The following ABCA7 variants were observed in gnomAD, a reference collection of about 807,000 sequenced individuals.
ABCA7 encodes phospholipid-transporting ATPase ABCA7.
Under a neutral mutation model 227.6 loss-of-function variants are expected in ABCA7, and 261 were observed. That is an observed-to-expected ratio of 1.15 (90% confidence interval 1.04 to 1.27). The LOEUF (loss-of-function observed/expected upper bound fraction) is 1.27, where lower values mean the gene tolerates loss of function less well. Ranked by LOEUF, ABCA7 falls within the 50% of genes most tolerant of loss-of-function variation. ABCA7 has a pLI of 0.00. For missense variants in ABCA7, 3,331 were observed against 2,924.5 expected (o/e 1.14, Z -3.21); for synonymous variants, 1,488 against 1,279.7 (o/e 1.16, Z -3.47).
At chr19:1,046,018 T>C (rs2040610461) in intron 12 of ABCA7, among the ~76,000 whole-genome samples, 1 of 151,974 alleles carries the variant, frequency 6.6e-6, no homozygotes, top group African/African-American at 2.4e-5. Context: ...AACAAATGAA[T>C]AAATGAATAA....
At position 1,056,267 on chromosome 19, in the gene ABCA7, G is replaced by T; in HGVS notation, c.4416+24G>T. The T allele has an allele frequency of 6.3e-7, 1 of 1,590,548 alleles. No homozygotes were observed. Among genetic ancestry groups the T allele is most frequent in the Non-Finnish European group, 8.6e-7 (1 of 1,166,470 alleles). ...AGGTGGGAACTGGGGGGGCAGGTGG[G>T]CGTCCTGTCACAGCAAGGTCCAACC... On this transcript the variant is annotated intron_variant, in intron 32 of 46. Transcript: ENST00000263094. The surrounding 1 kb of genome is among the most constrained non-coding windows in gnomAD (Gnocchi z 4.3).
At chr19:1,045,670 C>A (rs535059540) in intron 12 of ABCA7, 10 of 173,750 alleles carry the variant, frequency 5.8e-5, no homozygotes, top group Admixed American at 1.1e-4. Context: ...CCCCCCGCCC[C>A]CCTCCCCCAC....
chr19:1,041,885 G>A lies in ABCA7; in HGVS notation c.215G>A (p.Gly72Asp). 1 of 1,600,248 alleles carries A rather than the reference G, an allele frequency of 6.2e-7. No homozygotes were observed. The highest frequency in any genetic ancestry group is 1.1e-5 in the South Asian group (1 of 90,182). ...GCGGGCACCGTGCCCTGGCTCCAGG[G>A]TCTCATCTGTAATGTGAACAACACC... The part of the protein sequence containing the change: ...PSAGTVPWLQ[G>D]LICNVNNTCF... The change falls in exon 4 of 47, where the codon GGT becomes GAT. Residue 72 changes from glycine to aspartate, a missense_variant. Transcript: ENST00000263094.
chr19:1,052,313 G>A (rs766822026), intron 23 of ABCA7, 27 bp downstream of exon 23: 4 of 1,532,104 alleles, frequency 2.6e-6, no homozygotes, highest in South Asian at 2.4e-5. Flanking sequence ...GAGACCCAAG[G>A]CGGGTGGGCA....
At position 1,053,991 on chromosome 19, in the gene ABCA7, CT is replaced by C. The variant is rs758021270; in HGVS notation, c.3473-14del. 10 of 1,612,920 alleles carry C rather than the reference CT, an allele frequency of 6.2e-6. No individual in the cohort carries two copies. The Admixed American group carries it at 8.3e-5, about 13-fold the overall frequency. The stretch of plus-strand genomic sequence containing the variant: ...TGACCCTCAACTTTGACCCTGACCC[CT>C]GATGGCCCTGCAGATGGCAGCTGCG... On this transcript the variant is annotated splice_polypyrimidine_tract_variant and intron_variant, in intron 25 of 46. Transcript: ENST00000263094.
chr19:1,046,462 G>A lies in ABCA7; in HGVS notation c.1622+56G>A, dbSNP rs938728490. 7.9e-6 allele frequency: 12 copies of A among 1,509,530 alleles called. No homozygotes were observed. In the East Asian group the frequency reaches 2.5e-4, roughly 32 times the overall value. The allele number at this position is 1,509,530 out of a possible 1,614,324, so 93.5% of individuals were successfully genotyped here. ...CCGCGGCGGGAAGGTCCCGGGTGTG[G>A]GGGTGGGCCCAGGCTCTGTTGGGAA... is the stretch of plus-strand genomic sequence containing the variant. On this transcript the variant is annotated intron_variant, in intron 13 of 46. Transcript: ENST00000263094.
At position 1,054,052 on chromosome 19, in the gene ABCA7, C is replaced by G. The variant is rs529298024; in HGVS notation, c.3519C>G (p.Asp1173Glu). The G allele has an allele frequency of 6.2e-7, 1 of 1,613,360 alleles. No homozygotes were observed. Among genetic ancestry groups the G allele is most frequent in the South Asian group, 1.1e-5 (1 of 91,086 alleles). ...QHLCTGIAGL[D>E]VTLRLKMPPQ... is the part of the protein sequence containing the mutation. ...TATGCACAGGCATTGCTGGCCTAGA[C>G]GTAACCCTACGGCTCAAGATGCCGC... The change falls in exon 26 of 47, where the codon GAC becomes GAG. Residue 1173 changes from aspartate (D) to glutamate (E), a missense_variant. Coordinates refer to ENST00000263094, the MANE Select transcript of ABCA7 (RefSeq NM_019112.4). This position sits in a 1 kb window ranked among gnomAD's most constrained non-coding sequence, Gnocchi z 4.8.
chr19:1,044,658 C>T lies in ABCA7; in HGVS notation c.1129C>T (p.Leu377=). 3.1e-6 allele frequency: 5 copies of T among 1,613,254 alleles called. No individual in the cohort carries two copies. Among genetic ancestry groups the T allele is most frequent in the South Asian group, 1.1e-5 (1 of 91,090 alleles). The change falls in exon 11 of 47, where the codon CTG becomes TTG. Residue 377 remains leucine (L), a synonymous_variant. Transcript: ENST00000263094. ...RDHMEALRSF[L]DPGSGGYSWQ... Reference sequence around the variant, plus strand: ...CCACATGGAGGCCCTGCGATCCTTTCTGGACCCTGGGAGCGGTGGCTACAG... The same window carrying T: ...CCACATGGAGGCCCTGCGATCCTTTTTGGACCCTGGGAGCGGTGGCTACAG...
intron 42 of ABCA7, among the ~76,000 whole-genome samples, chr19:1,063,334 C>T: frequency 7.5e-6 from 1 of 132,462 alleles, no homozygotes; most frequent in African/African-American, 2.8e-5. Flanking sequence ...ACACCATGGC[C>T]CCGCCCCATA....
In ABCA7 at chr19:1,047,520, A is replaced by AGGGCGCGCAGTG. The variant is rs756248900; in HGVS notation, c.2137_2148dup (p.Gly713_Trp716dup). The stretch of plus-strand genomic sequence containing the variant: ...CTGGCTCTGCTGGAGGAGCAGGGCG[A>AGGGCGCGCAGTG]GGGCGCGCAGTGGCACAACGTGGGC... On this transcript the variant is annotated inframe_insertion, in exon 16 of 47. Coordinates refer to ENST00000263094, the MANE Select transcript of ABCA7 (RefSeq NM_019112.4). The AGGGCGCGCAGTG allele has an allele frequency of 7.5e-6, 12 of 1,591,640 alleles. No individual in the cohort carries two copies. In the African/African-American group the frequency reaches 1.6e-4, roughly 21 times the overall value.
chr19:1,041,774 A>T, intron 3 of ABCA7, 57 bp from the exon 4 acceptor site: 4 of 1,595,464 alleles, frequency 2.5e-6, no homozygotes, highest in Non-Finnish European at 3.4e-6. Context: ...GGGCGACCCG[A>T]TGGGGGTGGA....
chr19:1,042,991 G>A, intron 7 of ABCA7, 50 bp from the exon 8 acceptor site: 2 of 1,557,832 alleles, frequency 1.3e-6, no homozygotes, highest in Non-Finnish European at 1.7e-6. Flanking sequence ...GCCCTGGTTA[G>A]GGCTTGGAGG....
Position 1,055,084 on chromosome 19 carries a change from C to T in ABCA7, c.3951-13C>T. 6.2e-7 allele frequency: 1 copy of T among 1,608,200 alleles called. No homozygotes were observed. The highest frequency in any genetic ancestry group is 8.5e-7 in the Non-Finnish European group (1 of 1,176,468). On this transcript the variant is annotated splice_polypyrimidine_tract_variant and intron_variant, in intron 29 of 46. Coordinates refer to ENST00000263094, the MANE Select transcript of ABCA7 (RefSeq NM_019112.4). ...TGCAGCGCCCTTGAGTGTGCACAGC[C>T]CATTGTCTGCAGGTTCTCGGCACCA...
intron 7 of ABCA7, 106 bp from the exon 8 acceptor site, chr19:1,042,935 A>G: frequency 6.6e-7 from 1 of 1,506,454 alleles, no homozygotes; most frequent in Non-Finnish European, 8.9e-7. Flanking sequence ...GGTTTTCAGG[A>G]GGATTAGACA....
intron 45 of ABCA7, among the ~76,000 whole-genome samples, 199 bp downstream of exon 45, chr19:1,064,452 G>A (rs944191408): frequency 3.3e-5 from 5 of 152,130 alleles, no homozygotes; most frequent in African/African-American, 1.2e-4. Context: ...ACCAGGAGGC[G>A]TGAGCCGGGG....
At chr19:1,053,886 A>T in intron 25 of ABCA7, 50 bp downstream of exon 25, 7 of 1,595,462 alleles carry the variant, frequency 4.4e-6, no homozygotes, top group Non-Finnish European at 6.0e-6. Flanking sequence ...GTGGGACCAG[A>T]GGCCAGGTCC....
Position 1,047,514 on chromosome 19 carries a change from A to T in ABCA7, c.2129A>T (p.Gln710Leu). 1 of 1,580,458 alleles carries T rather than the reference A, an allele frequency of 6.3e-7. No individual in the cohort carries two copies. The highest frequency in any genetic ancestry group is 8.6e-7 in the Non-Finnish European group (1 of 1,165,916). The change falls in exon 16 of 47, where the codon CAG becomes CTG. Residue 710 changes from glutamine (Q) to leucine (L), a missense_variant. Gln to Leu is a moderately radical substitution (Grantham distance 113). Coordinates refer to ENST00000263094, the MANE Select transcript of ABCA7 (RefSeq NM_019112.4). ...GCESLALLEE[Q>L]GEGAQWHNVG... ...GAGAGCCTGGCTCTGCTGGAGGAGC[A>T]GGGCGAGGGCGCGCAGTGGCACAAC...
At chr19:1,044,455 C>T in intron 10 of ABCA7, 122 bp from the exon 11 acceptor site, 3 of 1,173,510 alleles carry the variant, frequency 2.6e-6, no homozygotes, top group Non-Finnish European at 3.5e-6. Flanking sequence ...ACCATGTTGG[C>T]CAGGCTGGTC....
chr19:1,050,885 G>C (rs1226642347), intron 18 of ABCA7, 36 bp from the exon 19 acceptor site: 3 of 1,521,836 alleles, frequency 2.0e-6, no homozygotes, highest in East Asian at 2.4e-5. Flanking sequence ...AGTGCACTCT[G>C]TGAAGGGGGC....
Sources: allele counts gnomAD v4.1 joint callset (sites outside exome capture counted in the v4.1 genomes callset), GRCh38; gene constraint gnomAD v4.1.1; non-coding constraint Gnocchi (gnomAD v3.1); transcripts MANE v1.5; gene names NCBI Gene and HGNC (gene_info 2026-07-23, HGNC 2026-07-21).